The following EPB41L4B variants were observed in gnomAD, a reference collection of about 807,000 sequenced individuals.
EPB41L4B encodes the protein band 4.1-like protein 4B.
A neutral mutation model predicts 112.5 loss-of-function variants in EPB41L4B; 30 were observed. The observed-to-expected ratio is 0.27, with a 90% confidence interval of 0.20 to 0.36. EPB41L4B has a LOEUF of 0.36. EPB41L4B is among the 10% of genes least tolerant of loss of function. The probability of loss-of-function intolerance (pLI) is 1.00; values close to 1 mark genes in which losing one functional copy is unlikely to be tolerated. For synonymous variants in EPB41L4B, 408 were observed against 439.7 expected (o/e 0.93, Z 0.90); for missense variants, 1,024 against 1,133.3 (o/e 0.90, Z 1.38).
chr9:109,194,382 G>T lies in EPB41L4B; in HGVS notation c.2061C>A (p.Leu687=), dbSNP rs571679914. ...CCACTGCCTCGGCCAGGTCTGGAGG[G>T]AGGTCGTCTTCATCACTGCGGTTAC... is the stretch of plus-strand genomic sequence containing the variant. ...TRQYSFDEDD[L]PPDLAEAVGV... The change falls in exon 21 of 26, where the codon CTC becomes CTA. Residue 687 remains leucine, a synonymous_variant. Coordinates refer to ENST00000374566, the MANE Select transcript of EPB41L4B (RefSeq NM_019114.5). 5.1e-4 allele frequency: 827 copies of T among 1,614,090 alleles called. 9 individuals carry two copies. In the South Asian group the frequency reaches 8.6e-3, roughly 17 times the overall value.
chr9:109,237,868 G>A (rs1183267593), intron 15 of EPB41L4B, among the ~76,000 whole-genome samples: 1 of 152,126 alleles, frequency 6.6e-6, no homozygotes, highest in Non-Finnish European at 1.5e-5. Flanking sequence ...ACCTACTGGT[G>A]TGGTGGTAAT....
At chr9:109,314,924 C>T (rs1837577888) in intron 1 of EPB41L4B, among the ~76,000 whole-genome samples, 1 of 152,154 alleles carries the variant, frequency 6.6e-6, no homozygotes, top group South Asian at 2.1e-4. Flanking sequence ...TTCTTCCCAA[C>T]CAAGAGTGAA....
Position 109,182,747 on chromosome 9 carries a change from G to T in EPB41L4B, c.2469C>A (p.Thr823=). ...TACTTACAGTAAACTGTGGCCCTGT[G>T]GTGAAAGTATCAGGAAACGGGTTCA... is the stretch of plus-strand genomic sequence containing the variant. ...DTMNPFPDTF[T]TGPQFTADFR... The change falls in exon 24 of 26, where the codon ACC becomes ACA. Residue 823 remains threonine, a synonymous_variant. Transcript: ENST00000374566. 6.2e-7 allele frequency: 1 copy of T among 1,612,308 alleles called. No homozygotes were observed. Among genetic ancestry groups the T allele is most frequent in the Non-Finnish European group, 8.5e-7 (1 of 1,178,346 alleles).
intron 15 of EPB41L4B, among the ~76,000 whole-genome samples, chr9:109,221,687 A>G (rs1833577682): frequency 6.6e-6 from 1 of 152,226 alleles, no homozygotes; most frequent in Non-Finnish European, 1.5e-5. Flanking sequence ...ATAGAAAAAA[A>G]GAGGTGGCAA....
At chr9:109,188,934 G>C (rs939554116) in intron 22 of EPB41L4B, among the ~76,000 whole-genome samples, 12 of 152,174 alleles carry the variant, frequency 7.9e-5, no homozygotes, top group African/African-American at 2.9e-4. Flanking sequence ...ACCTGGGGAG[G>C]GAAGCTAGCA....
At chr9:109,305,698 G>A (rs757810153) in intron 1 of EPB41L4B, among the ~76,000 whole-genome samples, 10 of 151,856 alleles carry the variant, frequency 6.6e-5, no homozygotes, top group East Asian at 1.9e-4. Context: ...TGCGGTGGGC[G>A]GATCACCTGA....
At chr9:109,279,679 C>T (rs921504272) in intron 2 of EPB41L4B, 138 bp downstream of exon 2, 5 of 722,148 alleles carry the variant, frequency 6.9e-6, no homozygotes, top group African/African-American at 1.8e-5. Flanking sequence ...GGCACCACAA[C>T]CTCCATCCCA....
intron 15 of EPB41L4B, among the ~76,000 whole-genome samples, chr9:109,219,585 C>T (rs148332622): frequency 1.8e-3 from 278 of 151,790 alleles, no homozygotes; most frequent in Middle Eastern, 3.4e-3. Context: ...CGGTCTCGAT[C>T]TCCTGACCTT....
intron 15 of EPB41L4B, among the ~76,000 whole-genome samples, chr9:109,226,751 G>GAAGTATATATATGAAGAATATATAT (rs1325989040): frequency 5.5e-5 from 4 of 72,086 alleles, no homozygotes; most frequent in Admixed American, 1.6e-4. Context: ...ATATATATAT[G>GAAGTATATATATGAAGAATATATAT]AAGAATATAT....
intron 14 of EPB41L4B, among the ~76,000 whole-genome samples, chr9:109,246,651 G>T (rs996749792): frequency 6.6e-6 from 1 of 152,234 alleles, no homozygotes; most frequent in Non-Finnish European, 1.5e-5. Flanking sequence ...GGTGGTACAA[G>T]GCTGTGAATG....
chr9:109,272,454 T>C lies in EPB41L4B; in HGVS notation c.412-4021A>G, dbSNP rs1264519112. On this transcript the variant is annotated intron_variant, in intron 2 of 25. Coordinates refer to ENST00000374566, the MANE Select transcript of EPB41L4B (RefSeq NM_019114.5). ...TCCAGCCTGGGTGACAATAAGACCC[T>C]GTGTATATTAAAAATAGGCCAGGCG... Among the ~76,000 whole-genome samples, 4 of 148,998 alleles carry C rather than the reference T, an allele frequency of 2.7e-5. No homozygotes were observed. The East Asian group carries it at 8.1e-4, about 30-fold the overall frequency.
chr9:109,278,575 A>T (rs1835921812), intron 2 of EPB41L4B, among the ~76,000 whole-genome samples: 1 of 152,192 alleles, frequency 6.6e-6, no homozygotes, highest in Non-Finnish European at 1.5e-5. Context: ...TCCAGTAGAC[A>T]GCCTTAACCA....
chr9:109,208,645 A>G (rs1178333911), intron 17 of EPB41L4B, among the ~76,000 whole-genome samples: 1 of 152,178 alleles, frequency 6.6e-6, no homozygotes, highest in Non-Finnish European at 1.5e-5. Flanking sequence ...AAGGTGAATT[A>G]CCCTGGGACC....
intron 13 of EPB41L4B, among the ~76,000 whole-genome samples, chr9:109,249,215 T>C (rs1834688122): frequency 6.6e-6 from 1 of 152,088 alleles, no homozygotes; most frequent in African/African-American, 2.4e-5. Flanking sequence ...GCTTGGGGTC[T>C]AAATGGCTCT....
chr9:109,319,686 G>C (rs1180538150), intron 1 of EPB41L4B, among the ~76,000 whole-genome samples: 1 of 152,234 alleles, frequency 6.6e-6, no homozygotes, highest in Non-Finnish European at 1.5e-5. Context: ...CTGATGGCGA[G>C]TTTGAGGGGG....
chr9:109,190,812 C>T (rs1832434608), intron 22 of EPB41L4B, among the ~76,000 whole-genome samples: 1 of 152,212 alleles, frequency 6.6e-6, no homozygotes, highest in Non-Finnish European at 1.5e-5. Context: ...TGAGATGGTC[C>T]CAAGGCATTG....
chr9:109,311,883 G>C (rs1255704294), intron 1 of EPB41L4B, among the ~76,000 whole-genome samples: 1 of 152,126 alleles, frequency 6.6e-6, no homozygotes, highest in African/African-American at 2.4e-5. Flanking sequence ...ATCTGCAAAG[G>C]GGATGATAAC....
chr9:109,200,403 A>G, intron 19 of EPB41L4B, 69 bp from the exon 20 acceptor site: 1 of 1,248,990 alleles, frequency 8.0e-7, no homozygotes, highest in South Asian at 1.2e-5. Flanking sequence ...AGCCATAGGG[A>G]CTGCTTTCTC....
chr9:109,222,184 T>C (rs1833599130), intron 15 of EPB41L4B, among the ~76,000 whole-genome samples: 1 of 152,170 alleles, frequency 6.6e-6, no homozygotes, highest in South Asian at 2.1e-4. Context: ...GTGACCTTCA[T>C]CTTATAGCTA....
Sources: gnomAD v4.1 joint callset for allele counts (sites outside exome capture counted in the v4.1 genomes callset) on GRCh38, gnomAD v4.1.1 for gene constraint, MANE v1.5 for transcripts, NCBI Gene and HGNC (gene_info 2026-07-23, HGNC 2026-07-21) for gene names.